TBC1D10A: variants seen among roughly 807,000 people sequenced by gnomAD.
TBC1D10A encodes the protein EBP50-PDX interactor of 64 kDa.
A neutral mutation model predicts 52.9 loss-of-function variants in TBC1D10A; 24 were observed. That is an observed-to-expected ratio of 0.45 (90% CI 0.33 to 0.64). The LOEUF is 0.64. Among genes scored for constraint, TBC1D10A ranks in the 30% least tolerant of loss-of-function variants. The pLI, the probability that TBC1D10A is intolerant of heterozygous loss-of-function variation, is 0.02. For synonymous variants in TBC1D10A, 278 were observed against 282.9 expected, an observed-to-expected ratio of 0.98 and a Z score of 0.17; for missense variants, 602 against 687.9, an observed-to-expected ratio of 0.88 and a Z score of 1.40.
intron 1 of TBC1D10A, among the ~76,000 whole-genome samples, chr22:30,317,315 T>C (rs1216228672): frequency 3.3e-5 from 5 of 152,016 alleles, no homozygotes; most frequent in Non-Finnish European, 5.9e-5. Context: ...GGCTGAGGCA[T>C]GAGAATCGCT....
chr22:30,304,796 C>A (rs890756297), intron 1 of TBC1D10A, 166 bp from the exon 2 acceptor site: 1 of 1,314,288 alleles, frequency 7.6e-7, no homozygotes, highest in Admixed American at 3.1e-5. Flanking sequence ...TGAGAGGGAA[C>A]ACGCCACCTC....
At chr22:30,304,348 T>C (rs559936588) in intron 2 of TBC1D10A, among the ~76,000 whole-genome samples, 183 bp downstream of exon 2, 1 of 152,330 alleles carries the variant, frequency 6.6e-6, no homozygotes, top group South Asian at 2.1e-4. Flanking sequence ...GTCATTGTGT[T>C]AGGGCCCAAC....
intron 2 of TBC1D10A, among the ~76,000 whole-genome samples, chr22:30,301,897 C>T (rs888374034): frequency 6.6e-6 from 1 of 152,164 alleles, no homozygotes; most frequent in Non-Finnish European, 1.5e-5. Context: ...GGAAGAGTTT[C>T]CTGCGGCTAT....
Position 30,326,918 on chromosome 22 carries a change from C to G in TBC1D10A, c.-37G>C, listed in dbSNP as rs1930795030. The G allele has an allele frequency of 7.1e-7, 1 of 1,409,978 alleles. No individual in the cohort carries two copies. The highest frequency in any genetic ancestry group is 9.2e-7 in the Non-Finnish European group (1 of 1,085,536). 87.3% of individuals were successfully genotyped at this position (1,409,978 alleles called of 1,614,324 possible). A position where few individuals can be genotyped will look rare whatever the true frequency, so the allele number is the denominator to read the frequency against. On this transcript the variant is annotated 5_prime_UTR_variant, in exon 1 of 9. Transcript: ENST00000215790. ...CCGCCGCCTGAGCTCCAGCGGCCAC[C>G]TCAGCCGCCCTGCTGCCGCCGACGC... is the stretch of plus-strand genomic sequence containing the variant.
chr22:30,301,431 C>A (rs1353344235), intron 2 of TBC1D10A, among the ~76,000 whole-genome samples: 1 of 152,190 alleles, frequency 6.6e-6, no homozygotes, highest in African/African-American at 2.4e-5. Context: ...CACTTCTCAA[C>A]TGTAAGATCT....
chr22:30,315,965 A>G (rs1241932600), intron 1 of TBC1D10A, among the ~76,000 whole-genome samples: 1 of 152,180 alleles, frequency 6.6e-6, no homozygotes, highest in African/African-American at 2.4e-5. Context: ...GAAATTAGGA[A>G]GGAGGAATGC....
At position 30,299,547 on chromosome 22, in the gene TBC1D10A, C is replaced by T. The variant is rs769649437; in HGVS notation, c.314G>A (p.Arg105His). 5.0e-6 allele frequency: 8 copies of T among 1,613,994 alleles called. 1 individual carries two copies. The highest frequency in any genetic ancestry group is 4.4e-5 in the South Asian group (4 of 91,068). ...CGGGATGCCCTTTTGGCACCGCAGA[C>T]GAATCTGAAAATCAAAAGGACAGCT... ...KWMAKKHKKI[R>H]LRCQKGIPPS... Residue 105 changes from arginine to histidine, a missense_variant, in exon 3 of 9, where the codon CGT (arginine) becomes CAT (histidine). This residue lies in a region of TBC1D10A where 201 missense variants were observed against 204.4 expected (regional missense o/e 0.98). Transcript: ENST00000215790.
chr22:30,310,711 T>G (rs572454258), intron 1 of TBC1D10A, among the ~76,000 whole-genome samples: 3 of 152,284 alleles, frequency 2.0e-5, no homozygotes, highest in Admixed American at 2.0e-4. Context: ...TAGCTTTAAT[T>G]ATCTCCATTT....
chr22:30,309,954 C>A (rs1278613947), intron 1 of TBC1D10A, among the ~76,000 whole-genome samples: 1 of 152,176 alleles, frequency 6.6e-6, no homozygotes, highest in African/African-American at 2.4e-5. Flanking sequence ...TACCAAGGAA[C>A]CCGTCTAAAC....
chr22:30,299,376 G>T, intron 3 of TBC1D10A, 68 bp downstream of exon 3: 2 of 1,489,986 alleles, frequency 1.3e-6, no homozygotes, highest in Non-Finnish European at 1.9e-6. Context: ...GCACATGGAG[G>T]ATTGCCGCCA....
At chr22:30,310,641 T>C (rs1930405758) in intron 1 of TBC1D10A, among the ~76,000 whole-genome samples, 2 of 152,170 alleles carry the variant, frequency 1.3e-5, no homozygotes, top group African/African-American at 4.8e-5. Context: ...GACACTTTCA[T>C]GCGCTGGCCG....
intron 1 of TBC1D10A, among the ~76,000 whole-genome samples, chr22:30,324,769 G>A (rs9653824): frequency 0.024 from 3,668 of 152,214 alleles, 130 homozygotes; most frequent in African/African-American, 0.082. Flanking sequence ...TTGGGAAGTG[G>A]GTGTTACTGT....
intron 1 of TBC1D10A, among the ~76,000 whole-genome samples, chr22:30,318,263 C>T (rs1410598025): frequency 6.6e-6 from 1 of 152,186 alleles, no homozygotes; most frequent in Non-Finnish European, 1.5e-5. Context: ...CCAAACCCAC[C>T]CTTCCCAGTT....
Position 30,292,085 on chromosome 22 carries a change from T to C in TBC1D10A, c.*290A>G. 3 of 383,286 alleles carry C rather than the reference T, an allele frequency of 7.8e-6. No individual in the cohort carries two copies. Among genetic ancestry groups the C allele is most frequent in the Non-Finnish European group, 1.4e-5 (3 of 214,242 alleles). 23.7% of individuals were successfully genotyped at this position (383,286 alleles called of 1,614,324 possible). Reference sequence around the variant, plus strand: ...TCCCCTCACACCAGCACCCTAACCCTGGGGAGCATCCCCCAGGAGGAGGGG... The same window carrying C: ...TCCCCTCACACCAGCACCCTAACCCCGGGGAGCATCCCCCAGGAGGAGGGG... On this transcript the variant is annotated 3_prime_UTR_variant, in exon 9 of 9. Coordinates refer to ENST00000215790, the MANE Select transcript of TBC1D10A (RefSeq NM_031937.3).
intron 1 of TBC1D10A, among the ~76,000 whole-genome samples, chr22:30,316,988 G>A (rs1930550969): frequency 6.6e-6 from 1 of 151,926 alleles, no homozygotes; most frequent in Non-Finnish European, 1.5e-5. Context: ...GCAGTGAGCT[G>A]TGATTGCACC....
Position 30,292,428 on chromosome 22 carries a change from G to A in TBC1D10A, c.1474C>T (p.His492Tyr). The change falls in exon 9 of 9, where the codon CAC (histidine) becomes TAC (tyrosine). Residue 492 changes from histidine to tyrosine, a missense_variant. By Grantham distance (83) the His-to-Tyr change is moderately conservative. This residue lies in a region of TBC1D10A where 265 missense variants were observed against 275.1 expected (regional missense o/e 0.96). Transcript: ENST00000215790. ...QDLAPQVSAHHRSQESLTSQE... is the reference protein window; with the variant it reads ...QDLAPQVSAHYRSQESLTSQE... ...GACGTCAAGCTCTCCTGGGAGCGGTGGTGGGCTGAGACCTGGGGAGCCAAA... is the reference window on the plus strand; with the variant it reads ...GACGTCAAGCTCTCCTGGGAGCGGTAGTGGGCTGAGACCTGGGGAGCCAAA... 6.3e-7 allele frequency: 1 copy of A among 1,596,210 alleles called. No homozygotes were observed. The highest frequency in any genetic ancestry group is 8.5e-7 in the Non-Finnish European group (1 of 1,170,290).
In TBC1D10A at chr22:30,293,931, G is replaced by C; in HGVS notation, c.885C>G (p.Phe295Leu). The stretch of plus-strand genomic sequence containing the variant: ...AGCCCAGCCCAGTACCTTCACAGAA[G>C]AACATGTCCCAGACACGCAGCACAG... ...WSSVLRVWDM[F>L]FCEGVKIIFR... is the part of the protein sequence containing the mutation. Residue 295 changes from phenylalanine (F) to leucine (L), a missense_variant, in exon 7 of 9, where the codon TTC (phenylalanine) becomes TTG (leucine). Physicochemically the swap from Phe to Leu is conservative, Grantham distance 22. Transcript: ENST00000215790. 6.2e-7 allele frequency: 1 copy of C among 1,613,408 alleles called. No homozygotes were observed. The highest frequency in any genetic ancestry group is 8.5e-7 in the Non-Finnish European group (1 of 1,179,382).
At chr22:30,293,556 C>A in intron 8 of TBC1D10A, 95 bp downstream of exon 8, 1 of 1,494,464 alleles carries the variant, frequency 6.7e-7, no homozygotes, top group Non-Finnish European at 9.1e-7. Flanking sequence ...GGCATAGGAT[C>A]CACCCTCAGG....
chr22:30,293,458 A>C, intron 8 of TBC1D10A, 193 bp downstream of exon 8: 1 of 890,272 alleles, frequency 1.1e-6, no homozygotes, highest in Non-Finnish European at 1.8e-6. Flanking sequence ...AAGGCCCTGC[A>C]GAGCCAAGCC....
Sources: gnomAD v4.1 joint callset for allele counts (sites outside exome capture counted in the v4.1 genomes callset) on GRCh38, gnomAD v4.1.1 for gene constraint, gnomAD v4.1.1 regional missense constraint, MANE v1.5 for transcripts, NCBI Gene and HGNC (gene_info 2026-07-23, HGNC 2026-07-21) for gene names.